Variants in AGFG2 observed in about 807,000 individuals in gnomAD.
AGFG2 encodes the protein arf-GAP domain and FG repeat-containing protein 2.
A neutral mutation model predicts 48.0 loss-of-function variants in AGFG2; 31 were observed. That is an observed-to-expected ratio of 0.65 (90% CI 0.49 to 0.87). AGFG2 has a LOEUF of 0.87. Among genes scored for constraint, AGFG2 ranks in the 40% least tolerant of loss-of-function variants. The probability of loss-of-function intolerance (pLI) is 0.00; values close to 1 mark genes in which losing one functional copy is unlikely to be tolerated. For missense variants in AGFG2, 599 were observed against 632.6 expected (o/e 0.95, Z 0.57); for synonymous variants, 229 against 260.8 (o/e 0.88, Z 1.18).
At chr7:100,541,890 G>C (rs945966042) in intron 1 of AGFG2, among the ~76,000 whole-genome samples, 2 of 152,144 alleles carry the variant, frequency 1.3e-5, no homozygotes, top group African/African-American at 4.8e-5. Context: ...ACTGGGAAGT[G>C]CTGACATTGT....
At chr7:100,543,520 A>G (rs1800461441) in intron 1 of AGFG2, among the ~76,000 whole-genome samples, 1 of 152,154 alleles carries the variant, frequency 6.6e-6, no homozygotes, top group African/African-American at 2.4e-5. Context: ...TCTCCTTCAT[A>G]AGGGGATAGA....
chr7:100,561,762 C>T (rs924901508), intron 6 of AGFG2, among the ~76,000 whole-genome samples: 5 of 152,252 alleles, frequency 3.3e-5, no homozygotes, highest in African/African-American at 1.2e-4. Context: ...CGAGAAGCAG[C>T]GGCTAAATGG....
chr7:100,553,642 C>CTTG, intron 4 of AGFG2, 142 bp downstream of exon 4: 1 of 1,019,852 alleles, frequency 9.8e-7, no homozygotes, highest in Middle Eastern at 3.2e-4. Context: ...TAACCTGTAT[C>CTTG]TTGTATTTGT....
intron 3 of AGFG2, among the ~76,000 whole-genome samples, chr7:100,551,464 C>A (rs185922312): frequency 3.5e-4 from 53 of 151,790 alleles, no homozygotes; most frequent in African/African-American, 1.2e-3. Context: ...CTTGGCCTCG[C>A]AAAGTGCTGG....
In AGFG2 at chr7:100,550,447, C is replaced by T. The variant is rs948775820; in HGVS notation, c.367C>T (p.Pro123Ser). The T allele has an allele frequency of 4.3e-6, 7 of 1,613,776 alleles. No homozygotes were observed. The African/African-American group carries it at 8.0e-5, about 18-fold the overall frequency. Reference protein sequence around the residue: ...GLFDARTSLVPDSRDPQKVKE... With the variant: ...GLFDARTSLVSDSRDPQKVKE... Reference sequence around the variant, plus strand: ...GTTTGATGCTCGGACATCTTTAGTACCAGATTCCAGGGATCCTCAGAAAGT... The same window carrying T: ...GTTTGATGCTCGGACATCTTTAGTATCAGATTCCAGGGATCCTCAGAAAGT... Residue 123 changes from proline to serine, a missense_variant, in exon 3 of 12, where the codon CCA (proline) becomes TCA (serine). Transcript: ENST00000300176.
chr7:100,557,841 A>G (rs772788486), intron 6 of AGFG2, among the ~76,000 whole-genome samples: 3 of 152,240 alleles, frequency 2.0e-5, no homozygotes, highest in Non-Finnish European at 4.4e-5. Context: ...TAGTATCCAT[A>G]AAGTATTTTT....
At chr7:100,548,630 A>C (rs564620715) in intron 1 of AGFG2, among the ~76,000 whole-genome samples, 192 bp from the exon 2 acceptor site, 2 of 152,168 alleles carry the variant, frequency 1.3e-5, no homozygotes, top group South Asian at 2.1e-4. Context: ...GGAGACTTCT[A>C]ATATCTCCAA....
chr7:100,548,939 T>A, intron 2 of AGFG2, 24 bp downstream of exon 2: 2 of 1,591,332 alleles, frequency 1.3e-6, no homozygotes, highest in Non-Finnish European at 1.7e-6. Context: ...GATGGAGTGG[T>A]GAGAAGGTCA....
rs567611375 is a variant in AGFG2, at chr7:100,562,440, G to C, written c.998+61G>C. 5 of 1,605,528 alleles carry C rather than the reference G, an allele frequency of 3.1e-6. No homozygotes were observed. In the African/African-American group the frequency reaches 5.3e-5, roughly 17 times the overall value. On this transcript the variant is annotated intron_variant, in intron 7 of 11. Transcript: ENST00000300176. This position sits in a 1 kb window ranked among gnomAD's most constrained non-coding sequence, Gnocchi z 5.4. ...GGAGAGCCGCCCGAAGCCTGGCCATGTTCCTCCCAGCCCCATCGGCATCTC... is the reference window on the plus strand; with the variant it reads ...GGAGAGCCGCCCGAAGCCTGGCCATCTTCCTCCCAGCCCCATCGGCATCTC...
intron 6 of AGFG2, chr7:100,556,525 G>A (rs1800761720): frequency 8.1e-7 from 1 of 1,241,980 alleles, no homozygotes; most frequent in Admixed American, 2.4e-5. Flanking sequence ...CTGGGGAAAA[G>A]CCAGTGACAT....
At chr7:100,551,062 ATATATT>A (rs1333879104) in intron 3 of AGFG2, among the ~76,000 whole-genome samples, 1 of 73,908 alleles carries the variant, frequency 1.4e-5, no homozygotes, top group East Asian at 2.8e-4. Context: ...ATATATATAT[ATATATT>A]TCTTTTTTTT....
At chr7:100,548,975 C>T (rs1800569588) in intron 2 of AGFG2, 60 bp downstream of exon 2, 16 of 1,411,680 alleles carry the variant, frequency 1.1e-5, no homozygotes, top group African/African-American at 2.8e-5. Context: ...GGCTTTGCCT[C>T]AAGATTGTAG....
intron 9 of AGFG2, 90 bp downstream of exon 9, chr7:100,563,036 A>C: frequency 6.1e-6 from 8 of 1,303,064 alleles, no homozygotes; most frequent in Non-Finnish European, 8.6e-6. Flanking sequence ...CCTTTGTCTC[A>C]CGCTGTCAGG....
intron 3 of AGFG2, among the ~76,000 whole-genome samples, chr7:100,550,872 T>C (rs1267948239): frequency 6.7e-6 from 1 of 149,438 alleles, no homozygotes; most frequent in African/African-American, 2.5e-5. Flanking sequence ...GATTTTTTTT[T>C]TTTTTTGAGA....
In AGFG2 at chr7:100,550,458, G is replaced by A. The variant is rs1176925119; in HGVS notation, c.378G>A (p.Arg126=). Residue 126 remains arginine, a synonymous_variant, in exon 3 of 12, where the codon AGG becomes AGA. Transcript: ENST00000300176. The part of the protein sequence containing the change: ...DARTSLVPDS[R]DPQKVKEFLQ... The stretch of plus-strand genomic sequence containing the variant: ...GGACATCTTTAGTACCAGATTCCAG[G>A]GATCCTCAGAAAGTGAAGGAGTTTC... 6.2e-7 allele frequency: 1 copy of A among 1,614,110 alleles called. No individual in the cohort carries two copies. The highest frequency in any genetic ancestry group is 1.7e-5 in the Admixed American group (1 of 60,002).
At chr7:100,539,617 G>T (rs1364189572) in intron 1 of AGFG2, 50 bp downstream of exon 1, 12 of 1,225,528 alleles carry the variant, frequency 9.8e-6, no homozygotes, top group Non-Finnish European at 1.1e-5. Context: ...GGACCCGGGG[G>T]CGGGGTGGGG....
At chr7:100,560,808 C>CTTTTTTT (rs66837050) in intron 6 of AGFG2, among the ~76,000 whole-genome samples, 6 of 112,820 alleles carry the variant, frequency 5.3e-5, no homozygotes, top group African/African-American at 1.1e-4. Flanking sequence ...GAAGATCTCC[C>CTTTTTTT]TTTTTTTTTT....
At position 100,567,608 on chromosome 7, in the gene AGFG2, G is replaced by C. The variant is rs899823244; in HGVS notation, c.*2617G>C. On this transcript the variant is annotated 3_prime_UTR_variant, in exon 12 of 12. Coordinates refer to ENST00000300176, the MANE Select transcript of AGFG2 (RefSeq NM_006076.5). The stretch of plus-strand genomic sequence containing the variant: ...GCTGAGGGTAGGGGCTGAATGTGTG[G>C]CTCTGTCCCTGTGTTGCCTTCCACA... The C allele has an allele frequency of 6.5e-6, 1 of 152,712 alleles. No homozygotes were observed. The highest frequency in any genetic ancestry group is 2.4e-5 in the African/African-American group (1 of 41,576). 9.5% of individuals were successfully genotyped at this position (152,712 alleles called of 1,614,324 possible).
chr7:100,563,755 C>G, intron 9 of AGFG2, 79 bp from the exon 10 acceptor site: 2 of 1,582,812 alleles, frequency 1.3e-6, no homozygotes, highest in Non-Finnish European at 1.7e-6. Flanking sequence ...ATTTTCCCAT[C>G]TTGGAGGGAC....
Sources: gnomAD v4.1 joint callset for allele counts (sites outside exome capture counted in the v4.1 genomes callset) on GRCh38, gnomAD v4.1.1 for gene constraint, Gnocchi (gnomAD v3.1) non-coding constraint, MANE v1.5 for transcripts, NCBI Gene and HGNC (gene_info 2026-07-23, HGNC 2026-07-21) for gene names.